EGFR: variants seen among roughly 807,000 people sequenced by gnomAD.
The protein encoded by EGFR is avian erythroblastic leukemia viral (v-erb-b) oncogene homolog.
In EGFR, 58 loss-of-function variants were observed where a neutral mutation model predicts 143.0. The observed-to-expected ratio is 0.41, with a 90% CI of 0.33 to 0.50. The LOEUF (loss-of-function observed/expected upper bound fraction) is 0.50. Among genes scored for constraint, EGFR ranks in the 20% least tolerant of loss-of-function variants. The pLI is 0.39. For synonymous variants in EGFR, 613 were observed against 594.4 expected (o/e 1.03, Z -0.45); for missense variants, 1,307 against 1,579.0 (o/e 0.83, Z 2.92).
intron 27 of EGFR, among the ~76,000 whole-genome samples, chr7:55,203,950 T>C (rs964035355): frequency 6.6e-6 from 1 of 151,040 alleles, no homozygotes; most frequent in African/African-American, 2.4e-5. Flanking sequence ...TAAAAATATG[T>C]AGAAATCTTT....
At chr7:55,106,657 T>C (rs1180699265) in intron 1 of EGFR, among the ~76,000 whole-genome samples, 1 of 152,186 alleles carries the variant, frequency 6.6e-6, no homozygotes. Context: ...CTCTTCAAAT[T>C]AATTATTTCA....
At chr7:55,124,518 T>G (rs781608828) in intron 1 of EGFR, among the ~76,000 whole-genome samples, 7 of 152,214 alleles carry the variant, frequency 4.6e-5, no homozygotes, top group Non-Finnish European at 4.4e-5. Flanking sequence ...TGCTAAGAGT[T>G]GTGGATCTTA....
intron 1 of EGFR, among the ~76,000 whole-genome samples, chr7:55,086,564 C>A (rs1434786096): frequency 6.6e-6 from 1 of 152,212 alleles, no homozygotes; most frequent in East Asian, 1.9e-4. Flanking sequence ...TCTTTTGCCT[C>A]GTTAATTTCA....
rs1235937918 is a variant in EGFR at position 55,028,023 on chromosome 7, TATAC to T, written c.88+8660_88+8663del. ...ATATATATATATATATATATATATA[TATAC>T]ACACACACACACATATGGAGGTAAA... On this transcript the variant is annotated intron_variant, in intron 1 of 27. Transcript: ENST00000275493. 4.4e-3 allele frequency among the ~76,000 whole-genome samples: 486 copies of T among 110,708 alleles called. 2 individuals are homozygous for T. Among genetic ancestry groups the T allele is most frequent in the African/African-American group, 0.018 (404 of 22,372 alleles). 72.6% of individuals were successfully genotyped at this position (110,708 alleles called of 152,430 possible). A position where few individuals can be genotyped will look rare whatever the true frequency, so the allele number is the denominator to read the frequency against.
chr7:55,096,199 T>G (rs1462023142), intron 1 of EGFR, among the ~76,000 whole-genome samples: 1 of 152,258 alleles, frequency 6.6e-6, no homozygotes, highest in Non-Finnish European at 1.5e-5. Flanking sequence ...TGGCTCCAAC[T>G]GCAGCCCTTT....
Position 55,210,943 on chromosome 7 carries a change from T to C in EGFR, c.*5326T>C, listed in dbSNP as rs1788222900. ...GCAGATTTCAAGAGGATTGAGTAAG[T>C]AGTTGGATGGCTTTCATAAAAACAA... On this transcript the variant is annotated 3_prime_UTR_variant, in exon 28 of 28. Coordinates refer to ENST00000275493, the MANE Select transcript of EGFR (RefSeq NM_005228.5). The C allele has an allele frequency of 6.6e-6, 1 of 152,214 alleles. No individual in the cohort carries two copies. The highest frequency in any genetic ancestry group is 2.4e-5 in the African/African-American group (1 of 41,458). The allele number at this position is 152,214 out of a possible 1,614,324, so 9.4% of individuals were successfully genotyped here. A position where few individuals can be genotyped will look rare whatever the true frequency, so the allele number is the denominator to read the frequency against.
rs779909747 is a variant in EGFR at position 55,173,061 on chromosome 7, C to T, written c.1998C>T (p.Leu666=). 3 of 1,613,628 alleles carry T rather than the reference C, an allele frequency of 1.9e-6. No individual in the cohort carries two copies. The highest frequency in any genetic ancestry group is 2.5e-6 in the Non-Finnish European group (3 of 1,180,052). Residue 666 remains leucine, a synonymous_variant, in exon 17 of 28, where the codon CTC becomes CTT. Transcript: ENST00000275493. ...LLLVVALGIG[L]FMRRRHIVRK... is the part of the protein sequence containing the mutation. ...TGGTGGTGGCCCTGGGGATCGGCCTCTTCATGCGAAGGCGCCACATCGTTC... is the reference window on the plus strand; with the variant it reads ...TGGTGGTGGCCCTGGGGATCGGCCTTTTCATGCGAAGGCGCCACATCGTTC...
At chr7:55,172,790 G>A in intron 16 of EGFR, 193 bp from the exon 17 acceptor site, 1 of 1,509,232 alleles carries the variant, frequency 6.6e-7, no homozygotes, top group African/African-American at 1.4e-5. Context: ...GGGGACTGGG[G>A]AGAGCTTGAG....
chr7:55,037,032 GT>G (rs1787623873), intron 1 of EGFR, among the ~76,000 whole-genome samples: 1 of 152,180 alleles, frequency 6.6e-6, no homozygotes, highest in Non-Finnish European at 1.5e-5. Flanking sequence ...GCAAACATGG[GT>G]ACTCTTGTTT....
chr7:55,059,617 C>A (rs948058545), intron 1 of EGFR, among the ~76,000 whole-genome samples: 2 of 152,064 alleles, frequency 1.3e-5, no homozygotes, highest in African/African-American at 4.8e-5. Context: ...TCCTTCCCCA[C>A]CTGCTCACTC....
In EGFR at chr7:55,152,564, C is replaced by G. The variant is rs1372330611; in HGVS notation, c.647C>G (p.Ala216Gly). The G allele has an allele frequency of 6.2e-7, 1 of 1,614,010 alleles. No individual in the cohort carries two copies. The highest frequency in any genetic ancestry group is 1.1e-5 in the South Asian group (1 of 91,082). ...NCQKLTKIIC[A>G]QQCSGRCRGK... ...TTTTCAGTGACCAAAATCATCTGTG[C>G]CCAGCAGTGCTCCGGGCGCTGCCGT... The change falls in exon 6 of 28, where the codon GCC becomes GGC. Residue 216 changes from alanine to glycine, a missense_variant. By Grantham distance (60) the Ala-to-Gly change is moderately conservative (BLOSUM62 0). Coordinates refer to ENST00000275493, the MANE Select transcript of EGFR (RefSeq NM_005228.5).
chr7:55,138,223 AAGTT>A lies in EGFR; in HGVS notation c.89-4059_89-4056del, dbSNP rs201053003. 6.9e-3 allele frequency among the ~76,000 whole-genome samples: 1,054 copies of A among 152,258 alleles called. 12 individuals are homozygous for A. The highest frequency in any genetic ancestry group is 0.024 in the African/African-American group (1,000 of 41,534). ...AATCATAATAAAATTTTAGGACAAAAAGTTAGTGCTTTGAAGTCCTAAGTCATAG... is the reference window on the plus strand; with the variant it reads ...AATCATAATAAAATTTTAGGACAAAAAGTGCTTTGAAGTCCTAAGTCATAG... On this transcript the variant is annotated intron_variant, in intron 1 of 27. Transcript: ENST00000275493.
chr7:55,167,516 ATGG>A (rs879319189), intron 15 of EGFR, among the ~76,000 whole-genome samples: 13,036 of 147,782 alleles, frequency 0.088, 1,858 homozygotes, highest in East Asian at 0.21. Context: ...GGTGGTGGTG[ATGG>A]TGGTGAGGAG....
chr7:55,026,509 A>G (rs1290860514), intron 1 of EGFR, among the ~76,000 whole-genome samples: 2 of 152,242 alleles, frequency 1.3e-5, no homozygotes. Flanking sequence ...CTAATGGCTA[A>G]GGTCAGCATG....
chr7:55,192,407 GC>G (rs1466576907), intron 21 of EGFR, among the ~76,000 whole-genome samples: 1 of 152,134 alleles, frequency 6.6e-6, no homozygotes, highest in Non-Finnish European at 1.5e-5. Flanking sequence ...CCACAGCCAG[GC>G]CCCTCTGAGG....
In EGFR at chr7:55,211,057, G is replaced by A. The variant is rs1788225448; in HGVS notation, c.*5440G>A. On this transcript the variant is annotated 3_prime_UTR_variant, in exon 28 of 28. Transcript: ENST00000275493. ...TGGGATAAAAACTATGTAGCAGGCA[G>A]TGTGTTTTCCTTCCATGTCTCTCTG... 6.6e-6 allele frequency: 1 copy of A among 152,218 alleles called. No homozygotes were observed. The highest frequency in any genetic ancestry group is 1.9e-4 in the East Asian group (1 of 5,196). 9.4% of individuals were successfully genotyped at this position (152,218 alleles called of 1,614,324 possible).
intron 1 of EGFR, among the ~76,000 whole-genome samples, chr7:55,067,811 C>T (rs866371055): frequency 4.0e-5 from 6 of 150,952 alleles, no homozygotes; most frequent in Non-Finnish European, 7.4e-5. Flanking sequence ...TGTGTGTGCG[C>T]GGATGTGCGT....
At chr7:55,081,702 A>C (rs975513837) in intron 1 of EGFR, among the ~76,000 whole-genome samples, 6 of 150,890 alleles carry the variant, frequency 4.0e-5, no homozygotes, top group Non-Finnish European at 7.4e-5. Flanking sequence ...TGTGACAGGA[A>C]GAGATTGTTT....
intron 1 of EGFR, among the ~76,000 whole-genome samples, chr7:55,095,289 G>A (rs1025520428): frequency 1.3e-5 from 2 of 152,194 alleles, no homozygotes; most frequent in African/African-American, 4.8e-5. Flanking sequence ...TCAAAACTCA[G>A]CATCCTTTTC....
Sources: gnomAD v4.1 joint callset for allele counts (sites outside exome capture counted in the v4.1 genomes callset) on GRCh38, gnomAD v4.1.1 for gene constraint, MANE v1.5 for transcripts, NCBI Gene and HGNC (gene_info 2026-07-23, HGNC 2026-07-21) for gene names.